The following PRKCE variants were observed in gnomAD, a reference collection of about 807,000 sequenced individuals.
The protein encoded by PRKCE is protein kinase C epsilon type.
PRKCE carries 16 observed loss-of-function variants against 85.4 expected under a neutral mutation model. The ratio of observed to expected loss-of-function variants is 0.19; its 90% confidence interval spans 0.13 to 0.28. The LOEUF (loss-of-function observed/expected upper bound fraction) is 0.28, where lower values mean the gene tolerates loss of function less well. Ranked by LOEUF, PRKCE falls within the 10% of genes least tolerant of loss-of-function variation. The pLI, the probability that PRKCE is intolerant of heterozygous loss-of-function variation, is 1.00. For missense variants in PRKCE, 573 were observed against 975.2 expected, an observed-to-expected ratio of 0.59 and a Z score of 5.49; for synonymous variants, 388 against 371.5, an observed-to-expected ratio of 1.04 and a Z score of -0.51.
intron 2 of PRKCE, among the ~76,000 whole-genome samples, chr2:45,851,082 G>A (rs925646172): frequency 6.6e-6 from 1 of 152,200 alleles, no homozygotes; most frequent in Admixed American, 6.5e-5. Flanking sequence ...AGGCTCTGCT[G>A]TGAGTAGGCA....
At chr2:46,125,291 T>C (rs1673739588) in intron 11 of PRKCE, among the ~76,000 whole-genome samples, 1 of 152,176 alleles carries the variant, frequency 6.6e-6, no homozygotes, top group African/African-American at 2.4e-5. Context: ...CCCCGGTATG[T>C]GGTTGACAAG....
chr2:46,050,843 C>A (rs1206189341), intron 10 of PRKCE, among the ~76,000 whole-genome samples: 1 of 152,212 alleles, frequency 6.6e-6, no homozygotes, highest in Non-Finnish European at 1.5e-5. Flanking sequence ...AAGTCTCACT[C>A]TTTTCTAGAA....
At chr2:46,058,616 T>C (rs1386147318) in intron 10 of PRKCE, among the ~76,000 whole-genome samples, 1 of 152,182 alleles carries the variant, frequency 6.6e-6, no homozygotes, top group Non-Finnish European at 1.5e-5. Context: ...AGTGTCGGAC[T>C]ACTCACCATC....
At chr2:45,916,697 C>T (rs1314980136) in intron 2 of PRKCE, among the ~76,000 whole-genome samples, 1 of 152,186 alleles carries the variant, frequency 6.6e-6, no homozygotes, top group Non-Finnish European at 1.5e-5. Context: ...AGCATACAGT[C>T]TAAACACAAT....
intron 2 of PRKCE, among the ~76,000 whole-genome samples, chr2:45,931,321 A>G (rs1378515882): frequency 6.6e-6 from 1 of 152,222 alleles, no homozygotes; most frequent in Non-Finnish European, 1.5e-5. Flanking sequence ...ACCATCCCAG[A>G]GTTCCTGCTT....
At chr2:45,706,476 A>G (rs749930307) in intron 1 of PRKCE, among the ~76,000 whole-genome samples, 3 of 152,170 alleles carry the variant, frequency 2.0e-5, no homozygotes, top group African/African-American at 4.8e-5. Flanking sequence ...AGGAACTTGA[A>G]GCAGTGTTTG....
intron 14 of PRKCE, among the ~76,000 whole-genome samples, chr2:46,170,884 T>C (rs959004696): frequency 6.6e-6 from 1 of 152,140 alleles, no homozygotes; most frequent in African/African-American, 2.4e-5. Context: ...GGGGAGAGAT[T>C]GGTAAGTGGA....
chr2:45,671,717 A>G (rs2103834850), intron 1 of PRKCE, among the ~76,000 whole-genome samples: 1 of 152,246 alleles, frequency 6.6e-6, no homozygotes, highest in Admixed American at 6.5e-5. Flanking sequence ...TTAAATCTTC[A>G]TTTCTACATA....
At chr2:46,096,443 A>G (rs904150995) in intron 11 of PRKCE, among the ~76,000 whole-genome samples, 1 of 152,314 alleles carries the variant, frequency 6.6e-6, no homozygotes, top group Non-Finnish European at 1.5e-5. Flanking sequence ...GTACCACAGA[A>G]TGTGATGGCA....
chr2:45,754,927 A>T (rs1683878553), intron 1 of PRKCE, among the ~76,000 whole-genome samples: 1 of 152,186 alleles, frequency 6.6e-6, no homozygotes, highest in Admixed American at 6.5e-5. Context: ...CTGGACAGAG[A>T]CCTGATTGTC....
chr2:46,098,257 G>A (rs1249404404), intron 11 of PRKCE, among the ~76,000 whole-genome samples: 1 of 152,176 alleles, frequency 6.6e-6, no homozygotes, highest in Non-Finnish European at 1.5e-5. Context: ...GATCTGTGAT[G>A]TTGGGCAAAG....
chr2:46,140,531 A>T (rs1675412160), intron 11 of PRKCE, among the ~76,000 whole-genome samples: 1 of 152,238 alleles, frequency 6.6e-6, no homozygotes, highest in South Asian at 2.1e-4. Flanking sequence ...CAAGTCCCAG[A>T]TATATCAGAG....
rs552816367 is a variant in PRKCE at position 46,129,962 on chromosome 2, G to GA, written c.1593-15131_1593-15130insA. 2.7e-3 allele frequency among the ~76,000 whole-genome samples: 411 copies of GA among 152,292 alleles called. 1 individual carries two copies. Among genetic ancestry groups the GA allele is most frequent in the African/African-American group, 9.1e-3 (379 of 41,556 alleles). ...TGTATATCTTAACAGCTAATCTCTGGCAATAAAAGCTGTTTGACAGTCATC... is the reference window on the plus strand; with the variant it reads ...TGTATATCTTAACAGCTAATCTCTGGACAATAAAAGCTGTTTGACAGTCATC... On this transcript the variant is annotated intron_variant, in intron 11 of 14. Coordinates refer to ENST00000306156, the MANE Select transcript of PRKCE (RefSeq NM_005400.3).
chr2:45,871,586 G>T (rs1253346214), intron 2 of PRKCE, among the ~76,000 whole-genome samples: 1 of 152,220 alleles, frequency 6.6e-6, no homozygotes, highest in African/African-American at 2.4e-5. Context: ...ATGATTTAGA[G>T]GTATCTCTAT....
At chr2:45,821,814 C>A (rs557748011) in intron 1 of PRKCE, among the ~76,000 whole-genome samples, 52 of 152,280 alleles carry the variant, frequency 3.4e-4, no homozygotes, top group Admixed American at 1.2e-3. Flanking sequence ...CCGATGGCAG[C>A]TGTATTGTAG....
At chr2:45,685,115 C>A (rs1463521129) in intron 1 of PRKCE, among the ~76,000 whole-genome samples, 2 of 152,108 alleles carry the variant, frequency 1.3e-5, no homozygotes, top group African/African-American at 2.4e-5. Flanking sequence ...TAAACACGGG[C>A]CAATGACTCC....
At chr2:45,728,700 C>T (rs796900837) in intron 1 of PRKCE, among the ~76,000 whole-genome samples, 2 of 152,278 alleles carry the variant, frequency 1.3e-5, no homozygotes, top group African/African-American at 2.4e-5. Flanking sequence ...GGTCTGTCTT[C>T]ACCAGTTCAT....
At position 46,185,107 on chromosome 2, in the gene PRKCE, T is replaced by C. The variant is rs1241303056; in HGVS notation, c.*226T>C. Reference sequence around the variant, plus strand: ...TTGTCTCACCAGTAATGCAGACTCATTGGGTCAGCAATTAGCTGTATACAC... The same window carrying C: ...TTGTCTCACCAGTAATGCAGACTCACTGGGTCAGCAATTAGCTGTATACAC... On this transcript the variant is annotated 3_prime_UTR_variant, in exon 15 of 15. Transcript: ENST00000306156. The surrounding 1 kb of genome is among the most constrained non-coding windows in gnomAD (Gnocchi z 4.7). The C allele has an allele frequency of 1.7e-5, 10 of 581,464 alleles. No individual in the cohort carries two copies. The East Asian group carries it at 1.8e-4, about 10-fold the overall frequency. The allele number at this position is 581,464 out of a possible 1,614,324, so 36.0% of individuals were successfully genotyped here.
At chr2:45,720,104 A>C (rs745315809) in intron 1 of PRKCE, among the ~76,000 whole-genome samples, 14 of 152,212 alleles carry the variant, frequency 9.2e-5, no homozygotes, top group Middle Eastern at 6.8e-3. Flanking sequence ...TTCTTCTCTG[A>C]TGGAGCTATG....
Sources: allele counts gnomAD v4.1 joint callset (sites outside exome capture counted in the v4.1 genomes callset), GRCh38; gene constraint gnomAD v4.1.1; non-coding constraint Gnocchi (gnomAD v3.1); transcripts MANE v1.5; gene names NCBI Gene and HGNC (gene_info 2026-07-23, HGNC 2026-07-21).